COL22A1: variants seen among roughly 807,000 people sequenced by gnomAD.
COL22A1 encodes collagen type XXII alpha 1 chain, also known as collagen alpha-1(XXII) chain.
Under a neutral mutation model 248.9 loss-of-function variants are expected in COL22A1, and 221 were observed. That is an observed-to-expected ratio of 0.89 (90% CI 0.80 to 0.99). COL22A1 has a LOEUF of 0.99. Among genes scored for constraint, COL22A1 ranks in the 50% least tolerant of loss-of-function variants. The pLI is 0.00. For synonymous variants in COL22A1, 891 were observed against 793.4 expected, an observed-to-expected ratio of 1.12 and a Z score of -2.07; for missense variants, 2,240 against 2,179.0, an observed-to-expected ratio of 1.03 and a Z score of -0.56.
intron 16 of COL22A1, among the ~76,000 whole-genome samples, 194 bp downstream of exon 16, chr8:138,775,772 T>G (rs1467350313): frequency 6.6e-6 from 1 of 152,018 alleles, no homozygotes; most frequent in African/African-American, 2.4e-5. Context: ...GGTGGGAAAT[T>G]AACACTGTCT....
chr8:138,813,552 T>C (rs1187701482), intron 7 of COL22A1, among the ~76,000 whole-genome samples: 2 of 152,170 alleles, frequency 1.3e-5, no homozygotes, highest in African/African-American at 4.8e-5. Flanking sequence ...ATGTCGTTAT[T>C]AGCAGTGTGA....
At chr8:138,629,810 G>T (rs1202116314) in intron 50 of COL22A1, among the ~76,000 whole-genome samples, 1 of 114,154 alleles carries the variant, frequency 8.8e-6, no homozygotes, top group African/African-American at 3.0e-5. Flanking sequence ...GAGATACCAG[G>T]GTAGGGCTGG....
At chr8:138,855,805 G>A (rs775794291) in intron 3 of COL22A1, among the ~76,000 whole-genome samples, 3 of 152,204 alleles carry the variant, frequency 2.0e-5, no homozygotes, top group Non-Finnish European at 2.9e-5. Flanking sequence ...CCCAGGCAGA[G>A]CTGCTTCAGC....
intron 10 of COL22A1, among the ~76,000 whole-genome samples, chr8:138,805,112 T>C (rs764379276): frequency 2.3e-4 from 31 of 137,016 alleles, no homozygotes; most frequent in Non-Finnish European, 4.2e-4. Flanking sequence ...GGTGTGTGTG[T>C]GATGGTGTAT....
chr8:138,846,617 G>A (rs1363645441), intron 3 of COL22A1, among the ~76,000 whole-genome samples: 1 of 151,942 alleles, frequency 6.6e-6, no homozygotes, highest in Non-Finnish European at 1.5e-5. Context: ...AGCCTTCCTG[G>A]GGATGGTGGG....
chr8:138,721,319 T>C (rs946902482), intron 26 of COL22A1, among the ~76,000 whole-genome samples: 7 of 152,340 alleles, frequency 4.6e-5, no homozygotes, highest in Admixed American at 1.3e-4. Flanking sequence ...TTGAGGTGCA[T>C]ACTTGAGTCT....
intron 3 of COL22A1, among the ~76,000 whole-genome samples, chr8:138,846,205 C>A (rs929382186): frequency 6.6e-6 from 1 of 152,128 alleles, no homozygotes; most frequent in South Asian, 2.1e-4. Context: ...TGTGGGGTGA[C>A]GATCAATTGC....
At chr8:138,665,001 C>A (rs1233754959) in intron 41 of COL22A1, among the ~76,000 whole-genome samples, 1 of 152,148 alleles carries the variant, frequency 6.6e-6, no homozygotes. Flanking sequence ...CTAAGGCATT[C>A]CCGAGAGAGC....
chr8:138,912,840 G>A (rs1815550308), intron 1 of COL22A1, among the ~76,000 whole-genome samples: 4 of 152,256 alleles, frequency 2.6e-5, no homozygotes, highest in South Asian at 2.1e-4. Context: ...CACAGCTCTG[G>A]AACAGGCCGG....
At chr8:138,882,783 CCACA>C (rs753266911) in intron 2 of COL22A1, among the ~76,000 whole-genome samples, 2 of 150,704 alleles carry the variant, frequency 1.3e-5, no homozygotes, top group Non-Finnish European at 1.5e-5. Context: ...CTTCAAACTC[CCACA>C]CACAGTCCCC....
chr8:138,780,866 G>C, intron 13 of COL22A1, 61 bp downstream of exon 13: 2 of 1,411,616 alleles, frequency 1.4e-6, no homozygotes, highest in Non-Finnish European at 2.0e-6. Flanking sequence ...ACGGGGTTCT[G>C]ACCAGGAGAT....
intron 36 of COL22A1, among the ~76,000 whole-genome samples, chr8:138,690,316 G>A (rs1265482777): frequency 6.6e-6 from 1 of 152,138 alleles, no homozygotes; most frequent in Non-Finnish European, 1.5e-5. Context: ...GACACCTTGG[G>A]CCTCGACATG....
chr8:138,812,298 A>T (rs1279769825), intron 8 of COL22A1, among the ~76,000 whole-genome samples: 1 of 152,152 alleles, frequency 6.6e-6, no homozygotes, highest in Non-Finnish European at 1.5e-5. Context: ...ATGCCACAGA[A>T]GCCCTGAGCC....
intron 46 of COL22A1, 135 bp downstream of exon 46, chr8:138,649,530 G>A (rs959041611): frequency 1.7e-5 from 25 of 1,440,874 alleles, no homozygotes; most frequent in East Asian, 2.5e-5. Context: ...TCACAACCCA[G>A]TACTCCTCAT....
At chr8:138,670,459 G>A (rs1434897259) in intron 41 of COL22A1, among the ~76,000 whole-genome samples, 1 of 152,172 alleles carries the variant, frequency 6.6e-6, no homozygotes, top group Non-Finnish European at 1.5e-5. Context: ...CAAATGCCCA[G>A]TGTTCCCAAG....
Position 138,703,423 on chromosome 8 carries a change from C to T in COL22A1, c.2518-76G>A, listed in dbSNP as rs1041383840. 4.4e-6 allele frequency: 6 copies of T among 1,365,520 alleles called. No individual in the cohort carries two copies. In the African/African-American group the frequency reaches 7.1e-5, roughly 16 times the overall value. The allele number at this position is 1,365,520 out of a possible 1,614,324, so 84.6% of individuals were successfully genotyped here. A position where few individuals can be genotyped will look rare whatever the true frequency, so the allele number is the denominator to read the frequency against. On this transcript the variant is annotated intron_variant, in intron 30 of 64. Transcript: ENST00000303045. ...GCTTATGCTGCAACAGATCAGCTAA[C>T]ACTATTTTCCCCAGACAACAGAAGG... is the stretch of plus-strand genomic sequence containing the variant.
rs757592607 is a variant in COL22A1, at chr8:138,613,969, G to A, written c.3925-49C>T. On this transcript the variant is annotated intron_variant, in intron 55 of 64. Coordinates refer to ENST00000303045, the MANE Select transcript of COL22A1 (RefSeq NM_152888.3). ...TGTCATCATCAAGTCACTGTGTGAA[G>A]GTGATGGCATCCCAATTTCAAATGT... 9.1e-6 allele frequency: 13 copies of A among 1,429,034 alleles called. No homozygotes were observed. In the East Asian group the frequency reaches 1.8e-4, roughly 20 times the overall value. The allele number at this position is 1,429,034 out of a possible 1,614,324, so 88.5% of individuals were successfully genotyped here. A position where few individuals can be genotyped will look rare whatever the true frequency, so the allele number is the denominator to read the frequency against.
At chr8:138,825,429 T>C (rs1295433568) in intron 6 of COL22A1, among the ~76,000 whole-genome samples, 2 of 152,200 alleles carry the variant, frequency 1.3e-5, no homozygotes. Context: ...CCCCTGCTCT[T>C]ATTACCTGTC....
intron 37 of COL22A1, among the ~76,000 whole-genome samples, chr8:138,687,462 C>T (rs1467590926): frequency 6.6e-6 from 1 of 152,202 alleles, no homozygotes; most frequent in Non-Finnish European, 1.5e-5. Flanking sequence ...CTTTAAAAGG[C>T]ACCAAGTAGA....
Sources: gnomAD v4.1 joint callset for allele counts (sites outside exome capture counted in the v4.1 genomes callset) on GRCh38, gnomAD v4.1.1 for gene constraint, MANE v1.5 for transcripts, NCBI Gene and HGNC (gene_info 2026-07-23, HGNC 2026-07-21) for gene names.